The following XKR4 variants were observed in gnomAD, a reference collection of about 807,000 sequenced individuals.
XKR4 encodes XK related 4.
XKR4 carries 12 observed loss-of-function variants against 53.9 expected under a neutral mutation model. The observed-to-expected ratio is 0.22, with a 90% CI of 0.14 to 0.36. XKR4 has a LOEUF of 0.36. XKR4 is among the 10% of genes least tolerant of loss of function. The pLI is 1.00. For missense variants in XKR4, 799 were observed against 859.5 expected (o/e 0.93, Z 0.88); for synonymous variants, 354 against 362.4 (o/e 0.98, Z 0.26).
intron 2 of XKR4, among the ~76,000 whole-genome samples, chr8:55,484,070 A>G (rs955006662): frequency 2.6e-5 from 4 of 152,212 alleles, no homozygotes; most frequent in African/African-American, 9.6e-5. Flanking sequence ...CACTACTCTC[A>G]TAAAGCACTT....
At chr8:55,340,173 C>G (rs191150011) in intron 1 of XKR4, among the ~76,000 whole-genome samples, 17 of 152,294 alleles carry the variant, frequency 1.1e-4, no homozygotes, top group African/African-American at 3.6e-4. Flanking sequence ...GCACAATGCT[C>G]AAAGACAAGA....
At chr8:55,229,861 T>A (rs578026441) in intron 1 of XKR4, among the ~76,000 whole-genome samples, 1 of 138,504 alleles carries the variant, frequency 7.2e-6, no homozygotes, top group South Asian at 2.6e-4. Context: ...ATTGTTAAGT[T>A]AATTAGCTTT....
At chr8:55,325,228 G>A (rs1223701890) in intron 1 of XKR4, among the ~76,000 whole-genome samples, 3 of 152,130 alleles carry the variant, frequency 2.0e-5, no homozygotes, top group African/African-American at 7.2e-5. Context: ...GTGTTGCTGT[G>A]CTATAATCAG....
chr8:55,285,781 C>T (rs1438583941), intron 1 of XKR4, among the ~76,000 whole-genome samples: 1 of 152,120 alleles, frequency 6.6e-6, no homozygotes, highest in East Asian at 1.9e-4. Flanking sequence ...CAGTCTATAG[C>T]CAAGTTCTAT....
Position 55,311,829 on chromosome 8 carries a change from C to CAAAA in XKR4, c.807-45830_807-45827dup, listed in dbSNP as rs57826022. On this transcript the variant is annotated intron_variant, in intron 1 of 2. Transcript: ENST00000327381. ...AACTGAAACTGTCTCTGTAATTTAG[C>CAAAA]AAAAAAAAAAAAAAAAAAAAAAGAA... Among the ~76,000 whole-genome samples, 40 of 98,538 alleles carry CAAAA rather than the reference C, an allele frequency of 4.1e-4. 1 individual carries two copies. The highest frequency in any genetic ancestry group is 7.7e-4 in the Admixed American group (7 of 9,076). The allele number at this position is 98,538 out of a possible 152,430, so 64.6% of individuals were successfully genotyped here. A position where few individuals can be genotyped will look rare whatever the true frequency, so the allele number is the denominator to read the frequency against.
chr8:55,520,807 T>C (rs1009857218), intron 2 of XKR4: 1 of 152,504 alleles, frequency 6.6e-6, no homozygotes, highest in Admixed American at 6.5e-5. Flanking sequence ...AATTACTCTT[T>C]TAGGACACGC....
intron 2 of XKR4, among the ~76,000 whole-genome samples, chr8:55,479,851 A>C (rs1247061244): frequency 6.6e-6 from 1 of 152,038 alleles, no homozygotes; most frequent in African/African-American, 2.4e-5. Context: ...TAAACCAAGA[A>C]GAAGTTGACT....
chr8:55,160,822 C>G (rs1816974077), intron 1 of XKR4, among the ~76,000 whole-genome samples: 1 of 152,170 alleles, frequency 6.6e-6, no homozygotes, highest in Admixed American at 6.5e-5. Flanking sequence ...TAGCCCTTAT[C>G]ACAGTGTCTC....
intron 1 of XKR4, among the ~76,000 whole-genome samples, chr8:55,199,594 G>A (rs1021842282): frequency 6.6e-6 from 1 of 152,162 alleles, no homozygotes; most frequent in Non-Finnish European, 1.5e-5. Context: ...CAGAGTTTCA[G>A]AGTTCATAAG....
At chr8:55,500,622 C>T (rs965225150) in intron 2 of XKR4, among the ~76,000 whole-genome samples, 30 of 152,188 alleles carry the variant, frequency 2.0e-4, no homozygotes, top group African/African-American at 7.0e-4. Context: ...AATTGTATGA[C>T]ACCATCACTA....
At chr8:55,150,053 C>T (rs1395907023) in intron 1 of XKR4, among the ~76,000 whole-genome samples, 1 of 152,208 alleles carries the variant, frequency 6.6e-6, no homozygotes, top group Non-Finnish European at 1.5e-5. Context: ...CCAGACAAAT[C>T]AGCCTAAAGC....
At chr8:55,319,361 A>G (rs1803171931) in intron 1 of XKR4, among the ~76,000 whole-genome samples, 1 of 152,248 alleles carries the variant, frequency 6.6e-6, no homozygotes, top group Non-Finnish European at 1.5e-5. Context: ...TTCTTTGACC[A>G]TTAACATAAC....
At chr8:55,359,613 G>A (rs967243384) in intron 2 of XKR4, among the ~76,000 whole-genome samples, 1 of 152,144 alleles carries the variant, frequency 6.6e-6, no homozygotes, top group Admixed American at 6.5e-5. Flanking sequence ...AGCACACGTG[G>A]AGGGTTGCAA....
chr8:55,107,604 G>A (rs1225802554), intron 1 of XKR4, among the ~76,000 whole-genome samples: 1 of 152,098 alleles, frequency 6.6e-6, no homozygotes, highest in Non-Finnish European at 1.5e-5. Flanking sequence ...CCCAGCTAAG[G>A]AACATGATCT....
At chr8:55,395,485 C>T (rs538837409) in intron 2 of XKR4, among the ~76,000 whole-genome samples, 3 of 152,170 alleles carry the variant, frequency 2.0e-5, no homozygotes, top group African/African-American at 7.2e-5. Flanking sequence ...TGCAGTCAAA[C>T]AGAAGGCTGG....
At chr8:55,376,609 G>T (rs1804155214) in intron 2 of XKR4, among the ~76,000 whole-genome samples, 1 of 151,962 alleles carries the variant, frequency 6.6e-6, no homozygotes, top group South Asian at 2.1e-4. Context: ...TAAGTTCTTT[G>T]TAGATTCTGG....
At chr8:55,411,810 G>T (rs1447007189) in intron 2 of XKR4, among the ~76,000 whole-genome samples, 1 of 152,148 alleles carries the variant, frequency 6.6e-6, no homozygotes, top group Non-Finnish European at 1.5e-5. Context: ...GGGCGCCTGA[G>T]CCCCTCAGGC....
At chr8:55,194,311 T>A (rs758396630) in intron 1 of XKR4, among the ~76,000 whole-genome samples, 2 of 152,226 alleles carry the variant, frequency 1.3e-5, no homozygotes, top group African/African-American at 2.4e-5. Context: ...TGACTACGAC[T>A]GGCCAGGCCT....
At chr8:55,242,298 G>T (rs911764901) in intron 1 of XKR4, among the ~76,000 whole-genome samples, 1 of 152,120 alleles carries the variant, frequency 6.6e-6, no homozygotes, top group Non-Finnish European at 1.5e-5. Flanking sequence ...TCTCCTGACA[G>T]TGTAATTTAA....
Sources: allele counts gnomAD v4.1 joint callset (sites outside exome capture counted in the v4.1 genomes callset), GRCh38; gene constraint gnomAD v4.1.1; transcripts MANE v1.5; gene names NCBI Gene and HGNC (gene_info 2026-07-23, HGNC 2026-07-21).